Variants in GRIA1 observed in about 807,000 individuals in gnomAD.
The protein encoded by GRIA1 is glutamate ionotropic receptor AMPA type subunit 1.
GRIA1 carries 31 observed loss-of-function variants against 99.2 expected under a neutral mutation model. The observed-to-expected ratio is 0.31, with a 90% CI of 0.23 to 0.42. GRIA1 has a LOEUF of 0.42. Ranked by LOEUF, GRIA1 falls within the 10% of genes least tolerant of loss-of-function variation. The probability of loss-of-function intolerance (pLI) is 1.00; values close to 1 mark genes in which losing one functional copy is unlikely to be tolerated. For synonymous variants in GRIA1, 438 were observed against 432.4 expected (o/e 1.01, Z -0.16); for missense variants, 782 against 1,157.5 (o/e 0.68, Z 4.71).
chr5:153,685,246 T>TA (rs1757260629), intron 7 of GRIA1, among the ~76,000 whole-genome samples: 1 of 152,184 alleles, frequency 6.6e-6, no homozygotes, highest in Admixed American at 6.5e-5. Context: ...GTACCTGAGC[T>TA]GATGATACAC....
Position 153,499,613 on chromosome 5 carries a change from C to CAAAAAA in GRIA1, c.220+5570_220+5575dup, listed in dbSNP as rs70976100. Among the ~76,000 whole-genome samples the CAAAAAA allele has an allele frequency of 3.6e-3, 151 of 42,112 alleles. 10 individuals are homozygous for CAAAAAA. Among genetic ancestry groups the CAAAAAA allele is most frequent in the African/African-American group, 0.013 (136 of 10,782 alleles). 27.6% of individuals were successfully genotyped at this position (42,112 alleles called of 152,430 possible). The stretch of plus-strand genomic sequence containing the variant: ...CTGGCAACAGAGCGAGAATTTGTCT[C>CAAAAAA]AAAAAAAAAAAAAAAAAAAAAAAAA... On this transcript the variant is annotated intron_variant, in intron 2 of 15. Transcript: ENST00000285900.
rs1766813041 is a variant in GRIA1, at chr5:153,811,385, AC to A, written c.*162del. 1.7e-6 allele frequency: 1 copy of A among 605,366 alleles called. No individual in the cohort carries two copies. The highest frequency in any genetic ancestry group is 3.0e-6 in the Non-Finnish European group (1 of 337,134). 37.5% of individuals were successfully genotyped at this position (605,366 alleles called of 1,614,324 possible). A position where few individuals can be genotyped will look rare whatever the true frequency, so the allele number is the denominator to read the frequency against. On this transcript the variant is annotated 3_prime_UTR_variant, in exon 16 of 16. Transcript: ENST00000285900. ...ACAGGTTTTCCTGAAGAATTGAAAA[AC>A]CATTTTGCTGTCCCTTTTCCTTTTT... is the stretch of plus-strand genomic sequence containing the variant.
At chr5:153,560,157 G>T (rs767534018) in intron 2 of GRIA1, among the ~76,000 whole-genome samples, 1 of 152,146 alleles carries the variant, frequency 6.6e-6, no homozygotes, top group Non-Finnish European at 1.5e-5. Flanking sequence ...TTCCTGCCCT[G>T]CTAGACCTTA....
chr5:153,754,717 C>A (rs1196953843), intron 11 of GRIA1, among the ~76,000 whole-genome samples: 1 of 152,190 alleles, frequency 6.6e-6, no homozygotes, highest in African/African-American at 2.4e-5. Flanking sequence ...CAATTCTTCC[C>A]ACGGTCCAAA....
intron 5 of GRIA1, among the ~76,000 whole-genome samples, chr5:153,660,077 A>G (rs929192965): frequency 6.6e-6 from 1 of 152,164 alleles, no homozygotes; most frequent in Non-Finnish European, 1.5e-5. Flanking sequence ...TGAGGCTGAG[A>G]CATTACATGA....
At chr5:153,492,058 C>T (rs974875447) in intron 1 of GRIA1, 5 of 1,153,790 alleles carry the variant, frequency 4.3e-6, no homozygotes, top group Admixed American at 6.0e-5. Context: ...GAAGCATCTT[C>T]GTTGGTTTGG....
intron 14 of GRIA1, among the ~76,000 whole-genome samples, chr5:153,797,013 G>T (rs1412195464): frequency 6.6e-6 from 1 of 152,182 alleles, no homozygotes. Flanking sequence ...ATGATGCTCT[G>T]CTCCGCTTGC....
intron 2 of GRIA1, among the ~76,000 whole-genome samples, chr5:153,599,766 C>T (rs1201879098): frequency 6.6e-6 from 1 of 151,848 alleles, no homozygotes; most frequent in Non-Finnish European, 1.5e-5. Context: ...AAGACTTAAA[C>T]GACTAACTCT....
At chr5:153,627,178 A>G (rs749879211) in intron 2 of GRIA1, among the ~76,000 whole-genome samples, 11 of 152,230 alleles carry the variant, frequency 7.2e-5, no homozygotes, top group Non-Finnish European at 1.2e-4. Flanking sequence ...ATAGCCTCAG[A>G]TAACTGCAGC....
chr5:153,733,691 A>G (rs1761193093), intron 11 of GRIA1, among the ~76,000 whole-genome samples: 1 of 152,162 alleles, frequency 6.6e-6, no homozygotes, highest in Non-Finnish European at 1.5e-5. Context: ...ATTGGAAACC[A>G]AAAGAGAGCA....
chr5:153,752,053 CATT>C (rs568569420), intron 11 of GRIA1, among the ~76,000 whole-genome samples: 157 of 152,252 alleles, frequency 1.0e-3, no homozygotes, highest in African/African-American at 3.6e-3. Flanking sequence ...CCATCATCAT[CATT>C]GTTAATCAAT....
At chr5:153,747,231 G>A (rs565992152) in intron 11 of GRIA1, among the ~76,000 whole-genome samples, 1 of 152,318 alleles carries the variant, frequency 6.6e-6, no homozygotes, top group East Asian at 1.9e-4. Flanking sequence ...AGAAGGCAAA[G>A]AGGAGCAGCG....
intron 2 of GRIA1, among the ~76,000 whole-genome samples, chr5:153,586,571 C>A (rs181552702): frequency 6.6e-6 from 1 of 152,214 alleles, no homozygotes; most frequent in Admixed American, 6.5e-5. Flanking sequence ...AAGAAATAGA[C>A]ACTTGAACAA....
intron 2 of GRIA1, among the ~76,000 whole-genome samples, chr5:153,517,901 T>C (rs1756777000): frequency 2.0e-5 from 3 of 152,332 alleles, no homozygotes; most frequent in South Asian, 4.1e-4. Flanking sequence ...CTCCCTTCCT[T>C]GGCCTACAAG....
intron 11 of GRIA1, among the ~76,000 whole-genome samples, chr5:153,752,045 A>G (rs562783730): frequency 1.3e-5 from 2 of 152,286 alleles, no homozygotes; most frequent in Admixed American, 1.3e-4. Flanking sequence ...CTTTTCACCC[A>G]TCATCATCAT....
intron 2 of GRIA1, among the ~76,000 whole-genome samples, chr5:153,514,201 G>GT (rs1268459362): frequency 6.6e-6 from 1 of 152,138 alleles, no homozygotes; most frequent in African/African-American, 2.4e-5. Flanking sequence ...GTTGTGATGC[G>GT]TTTTTTACAA....
At chr5:153,713,030 G>A (rs1350782940) in intron 11 of GRIA1, among the ~76,000 whole-genome samples, 1 of 152,216 alleles carries the variant, frequency 6.6e-6, no homozygotes, top group African/African-American at 2.4e-5. Context: ...CAGCTTAAAA[G>A]TACAGAAAGC....
intron 2 of GRIA1, among the ~76,000 whole-genome samples, chr5:153,552,631 T>C (rs982811239): frequency 6.6e-6 from 1 of 152,084 alleles, no homozygotes; most frequent in South Asian, 2.1e-4. Context: ...GATTCCAGTA[T>C]ACAGATCAGT....
Position 153,813,417 on chromosome 5 carries a change from G to T in GRIA1, c.*2192G>T, listed in dbSNP as rs1009241284. ...CAGCTACTGAGCCCACAAGTAACAT[G>T]AGCGGATAAAAAGAGACTTGTTTGT... On this transcript the variant is annotated 3_prime_UTR_variant, in exon 16 of 16. Coordinates refer to ENST00000285900, the MANE Select transcript of GRIA1 (RefSeq NM_000827.4). 1 of 152,188 alleles carries T rather than the reference G, an allele frequency of 6.6e-6. No individual in the cohort carries two copies. The highest frequency in any genetic ancestry group is 1.5e-5 in the Non-Finnish European group (1 of 68,050). 9.4% of individuals were successfully genotyped at this position (152,188 alleles called of 1,614,324 possible).
Sources: allele counts gnomAD v4.1 joint callset (sites outside exome capture counted in the v4.1 genomes callset), GRCh38; gene constraint gnomAD v4.1.1; transcripts MANE v1.5; gene names NCBI Gene and HGNC (gene_info 2026-07-23, HGNC 2026-07-21).